Variants in UBE3D observed in about 807,000 individuals in gnomAD.
The protein encoded by UBE3D is ubiquitin protein ligase E3D.
UBE3D carries 48 observed loss-of-function variants against 49.6 expected under a neutral mutation model. The observed-to-expected ratio is 0.97, with a 90% CI of 0.77 to 1.23. The LOEUF (loss-of-function observed/expected upper bound fraction) is 1.23, where lower values mean the gene tolerates loss of function less well. Among genes scored for constraint, UBE3D ranks in the 50% most tolerant of loss-of-function variants. The probability of loss-of-function intolerance (pLI) is 0.00; values close to 1 mark genes in which losing one functional copy is unlikely to be tolerated. For missense variants in UBE3D, 452 were observed against 468.4 expected (o/e 0.96, Z 0.32); for synonymous variants, 189 against 174.2 (o/e 1.08, Z -0.67).
At chr6:82,984,103 T>G (rs1778298723) in intron 8 of UBE3D, among the ~76,000 whole-genome samples, 1 of 152,200 alleles carries the variant, frequency 6.6e-6, no homozygotes. Flanking sequence ...ATAAATAACT[T>G]TATTTAAATC....
chr6:83,034,459 C>T (rs1782097197), intron 5 of UBE3D, among the ~76,000 whole-genome samples: 1 of 151,834 alleles, frequency 6.6e-6, no homozygotes, highest in African/African-American at 2.4e-5. Flanking sequence ...GATTAGCTGT[C>T]GTCACATGTT....
chr6:82,988,295 A>C (rs1582560811), intron 8 of UBE3D, among the ~76,000 whole-genome samples: 1 of 152,184 alleles, frequency 6.6e-6, no homozygotes, highest in African/African-American at 2.4e-5. Flanking sequence ...AGTTTTATTA[A>C]AAATGGGAGT....
chr6:82,945,213 G>A (rs1437993064), intron 9 of UBE3D, among the ~76,000 whole-genome samples: 1 of 152,184 alleles, frequency 6.6e-6, no homozygotes, highest in Non-Finnish European at 1.5e-5. Flanking sequence ...TGTGATGGTG[G>A]CCACAGGGGC....
intron 8 of UBE3D, among the ~76,000 whole-genome samples, chr6:82,986,963 A>G (rs955153277): frequency 6.6e-6 from 1 of 151,620 alleles, no homozygotes; most frequent in East Asian, 1.9e-4. Context: ...CTTCCTTCAC[A>G]AGACAGAGTC....
chr6:82,884,255 G>A, the UBE3D span, among the ~76,000 whole-genome samples: 2 of 152,118 alleles, frequency 1.3e-5, no homozygotes, highest in Non-Finnish European at 2.9e-5. Flanking sequence ...TTGGCTTATT[G>A]AAGTTTCCAA....
intron 9 of UBE3D, among the ~76,000 whole-genome samples, chr6:82,903,278 C>A (rs1415042298): frequency 6.6e-6 from 1 of 152,078 alleles, no homozygotes; most frequent in Admixed American, 6.6e-5. Context: ...AGTCACCATG[C>A]CCAGCTAGCA....
intron 8 of UBE3D, among the ~76,000 whole-genome samples, chr6:82,976,849 T>A (rs1311508841): frequency 6.6e-6 from 1 of 152,116 alleles, no homozygotes; most frequent in Admixed American, 6.5e-5. Context: ...GCACAGTGGC[T>A]CACGCCTGTA....
chr6:82,913,909 A>T (rs373510452), intron 9 of UBE3D, among the ~76,000 whole-genome samples: 2 of 152,330 alleles, frequency 1.3e-5, no homozygotes, highest in East Asian at 3.9e-4. Flanking sequence ...AAATGAATAA[A>T]TGGATGCAAA....
chr6:83,023,875 A>G (rs1321563069), intron 6 of UBE3D, 94 bp downstream of exon 6: 12 of 803,114 alleles, frequency 1.5e-5, no homozygotes, highest in Non-Finnish European at 2.3e-5. Flanking sequence ...CTATTAAAAT[A>G]AAAAATAAAT....
intron 9 of UBE3D, among the ~76,000 whole-genome samples, chr6:82,928,197 A>C (rs1773896737): frequency 6.6e-6 from 1 of 151,960 alleles, no homozygotes; most frequent in Admixed American, 6.6e-5. Flanking sequence ...TGTGAACCTA[A>C]AACTGCTACA....
chr6:82,886,791 A>C, the UBE3D span, among the ~76,000 whole-genome samples: 1 of 152,232 alleles, frequency 6.6e-6, no homozygotes, highest in Non-Finnish European at 1.5e-5. Flanking sequence ...TGCCTGTGCT[A>C]GACAAAGTGT....
intron 9 of UBE3D, among the ~76,000 whole-genome samples, chr6:82,900,745 A>C (rs1203207241): frequency 6.6e-6 from 1 of 152,206 alleles, no homozygotes; most frequent in Non-Finnish European, 1.5e-5. Flanking sequence ...CTGCTTGTGC[A>C]TGAGGGAATA....
At chr6:82,963,768 A>G (rs1776718390) in intron 8 of UBE3D, among the ~76,000 whole-genome samples, 1 of 152,138 alleles carries the variant, frequency 6.6e-6, no homozygotes, top group African/African-American at 2.4e-5. Flanking sequence ...CACACCCAGG[A>G]TCAACATTTT....
intron 9 of UBE3D, among the ~76,000 whole-genome samples, chr6:82,954,457 A>C (rs1017230897): frequency 1.3e-5 from 2 of 152,190 alleles, no homozygotes; most frequent in African/African-American, 2.4e-5. Flanking sequence ...TAATAAGATA[A>C]ACTCTTCTTT....
rs374766849 is a variant in UBE3D at position 82,934,479 on chromosome 6, C to T, written c.1149+22833G>A. ...TGTTGCTGACAAATGCTGCAAGTTA[C>T]GACTTACATGGGGTTTCTCATCTAG... On this transcript the variant is annotated intron_variant, in intron 9 of 9. Coordinates refer to ENST00000369747, the MANE Select transcript of UBE3D (RefSeq NM_198920.3). Among the ~76,000 whole-genome samples the T allele has an allele frequency of 2.2e-3, 332 of 152,110 alleles. 2 individuals carry two copies. The highest frequency in any genetic ancestry group is 7.5e-3 in the African/African-American group (311 of 41,504).
In UBE3D at chr6:82,953,974, A is replaced by G. The variant is rs187848591; in HGVS notation, c.1149+3338T>C. On this transcript the variant is annotated intron_variant, in intron 9 of 9. Coordinates refer to ENST00000369747, the MANE Select transcript of UBE3D (RefSeq NM_198920.3). Reference sequence around the variant, plus strand: ...GTATTCTCCCAGTAGCAGGGAAAACAGCCAGTCCACAGATCCTACAGCCAG... The same window carrying G: ...GTATTCTCCCAGTAGCAGGGAAAACGGCCAGTCCACAGATCCTACAGCCAG... Among the ~76,000 whole-genome samples the G allele has an allele frequency of 2.1e-3, 316 of 152,290 alleles. 4 individuals carry two copies. The highest frequency in any genetic ancestry group is 0.013 in the Admixed American group (192 of 15,292).
intron 8 of UBE3D, among the ~76,000 whole-genome samples, chr6:82,995,854 G>C (rs1779204700): frequency 6.6e-6 from 1 of 152,098 alleles, no homozygotes; most frequent in African/African-American, 2.4e-5. Context: ...ATAACTTGAG[G>C]TCAGGACTTG....
the UBE3D span, among the ~76,000 whole-genome samples, chr6:82,884,573 C>T: frequency 6.6e-6 from 1 of 152,146 alleles, no homozygotes; most frequent in African/African-American, 2.4e-5. Context: ...TCCATACACA[C>T]AGGTTACTCA....
At chr6:82,967,363 G>A (rs1405619356) in intron 8 of UBE3D, among the ~76,000 whole-genome samples, 1 of 152,098 alleles carries the variant, frequency 6.6e-6, no homozygotes, top group Non-Finnish European at 1.5e-5. Context: ...TATTTCACAT[G>A]TGCAGACTCG....
Sources: allele counts gnomAD v4.1 joint callset (sites outside exome capture counted in the v4.1 genomes callset), GRCh38; gene constraint gnomAD v4.1.1; transcripts MANE v1.5; gene names NCBI Gene and HGNC (gene_info 2026-07-23, HGNC 2026-07-21).